Variants in ARHGEF7 observed in about 807,000 individuals in gnomAD.
The protein encoded by ARHGEF7 is Rho guanine nucleotide exchange factor 7, also known as PAK-interacting exchange factor beta.
A neutral mutation model predicts 109.8 loss-of-function variants in ARHGEF7; 33 were observed. The observed-to-expected ratio is 0.30, with a 90% CI of 0.23 to 0.40. The LOEUF is 0.40. Ranked by LOEUF, ARHGEF7 falls within the 10% of genes least tolerant of loss-of-function variation. ARHGEF7 has a pLI of 1.00. For missense variants in ARHGEF7, 938 were observed against 1,098.5 expected, an observed-to-expected ratio of 0.85 and a Z score of 2.07; for synonymous variants, 458 against 424.6, an observed-to-expected ratio of 1.08 and a Z score of -0.97.
intron 19 of ARHGEF7, among the ~76,000 whole-genome samples, chr13:111,299,256 A>G (rs1320093761): frequency 2.6e-5 from 4 of 151,952 alleles, no homozygotes; most frequent in Non-Finnish European, 5.9e-5. Context: ...CTTATGAGAC[A>G]TCTTAAGCTT....
chr13:111,230,908 C>T (rs541603072), intron 5 of ARHGEF7, among the ~76,000 whole-genome samples: 1 of 152,246 alleles, frequency 6.6e-6, no homozygotes, highest in South Asian at 2.1e-4. Flanking sequence ...ATGTTAGTAA[C>T]CTGAAGCTTT....
intron 2 of ARHGEF7, among the ~76,000 whole-genome samples, chr13:111,177,360 A>C (rs573620248): frequency 6.6e-6 from 1 of 152,346 alleles, no homozygotes; most frequent in African/African-American, 2.4e-5. Context: ...AAAGGAGTCC[A>C]CATTCTTCCT....
chr13:111,260,875 T>C (rs1746997484), intron 8 of ARHGEF7, among the ~76,000 whole-genome samples: 1 of 152,248 alleles, frequency 6.6e-6, no homozygotes, highest in African/African-American at 2.4e-5. Flanking sequence ...TTTTAATTAA[T>C]GTTCTGTTTC....
chr13:111,238,572 A>G (rs2087179955), intron 6 of ARHGEF7, among the ~76,000 whole-genome samples: 1 of 152,210 alleles, frequency 6.6e-6, no homozygotes, highest in Admixed American at 6.5e-5. Context: ...ATATAATTAA[A>G]AGAGACAGGT....
intron 2 of ARHGEF7, among the ~76,000 whole-genome samples, chr13:111,185,554 T>C (rs985792164): frequency 2.0e-5 from 3 of 152,232 alleles, no homozygotes; most frequent in African/African-American, 7.2e-5. Context: ...TTGAAGTTAA[T>C]GGAATGGGCG....
chr13:111,291,054 C>A (rs1431860090), intron 18 of ARHGEF7, among the ~76,000 whole-genome samples: 1 of 152,240 alleles, frequency 6.6e-6, no homozygotes, highest in Non-Finnish European at 1.5e-5. Flanking sequence ...TGATTTCTAA[C>A]TCCAGGAAGT....
At chr13:111,263,650 A>G (rs1334066229) in intron 8 of ARHGEF7, among the ~76,000 whole-genome samples, 2 of 152,162 alleles carry the variant, frequency 1.3e-5, no homozygotes, top group African/African-American at 4.8e-5. Context: ...TTGGCATTCC[A>G]TCATTACCCA....
At chr13:111,184,218 C>G (rs916373413) in intron 2 of ARHGEF7, among the ~76,000 whole-genome samples, 3 of 152,126 alleles carry the variant, frequency 2.0e-5, no homozygotes, top group Admixed American at 2.0e-4. Context: ...TGCCTTTTGC[C>G]GTGATTGTAA....
At chr13:111,279,675 C>A (rs1222414192) in intron 13 of ARHGEF7, among the ~76,000 whole-genome samples, 1 of 152,236 alleles carries the variant, frequency 6.6e-6, no homozygotes, top group Non-Finnish European at 1.5e-5. Context: ...TTTCTGGTAT[C>A]TTTCCATTGA....
rs1216685873 is a variant in ARHGEF7, at chr13:111,239,576, C to T, written c.760-4296C>T. 6.6e-6 allele frequency among the ~76,000 whole-genome samples: 1 copy of T among 152,096 alleles called. No individual in the cohort carries two copies. Among genetic ancestry groups the T allele is most frequent in the Admixed American group, 6.5e-5 (1 of 15,270 alleles). ...CTGCTTTGCCCTTGGCTTTTCTCCA[C>T]CTCAATGAAGATTTCTGTTAAATCT... On this transcript the variant is annotated intron_variant, in intron 6 of 21. Transcript: ENST00000646102. This position sits in a 1 kb window ranked among gnomAD's most constrained non-coding sequence, Gnocchi z 4.3.
At chr13:111,251,982 T>A (rs1342227346) in intron 8 of ARHGEF7, among the ~76,000 whole-genome samples, 1 of 152,220 alleles carries the variant, frequency 6.6e-6, no homozygotes, top group Non-Finnish European at 1.5e-5. Flanking sequence ...GATCTCTTTG[T>A]CTGTGGTTGC....
At chr13:111,173,915 C>G (rs1206624018) in intron 2 of ARHGEF7, among the ~76,000 whole-genome samples, 1 of 152,138 alleles carries the variant, frequency 6.6e-6, no homozygotes, top group Non-Finnish European at 1.5e-5. Context: ...TTGCATTGCA[C>G]TGACTGGGTC....
intron 1 of ARHGEF7, among the ~76,000 whole-genome samples, chr13:111,150,533 A>G (rs1309334379): frequency 6.6e-6 from 1 of 152,178 alleles, no homozygotes; most frequent in African/African-American, 2.4e-5. Flanking sequence ...ATATTTTCTG[A>G]AACACCTTCA....
At chr13:111,186,083 C>T (rs75154280) in intron 2 of ARHGEF7, among the ~76,000 whole-genome samples, 70 of 151,810 alleles carry the variant, frequency 4.6e-4, no homozygotes, top group South Asian at 2.9e-3. Context: ...CACAGCATGC[C>T]GTGGTCCTAA....
rs1177232070 is a variant in ARHGEF7 at position 111,255,413 on chromosome 13, G to A, written c.950+11119G>A. On this transcript the variant is annotated intron_variant, in intron 8 of 21. Coordinates refer to ENST00000646102, the MANE Select transcript of ARHGEF7 (RefSeq NM_001354046.2). The surrounding 1 kb of genome is among the most constrained non-coding windows in gnomAD (Gnocchi z 4.1). The stretch of plus-strand genomic sequence containing the variant: ...TGCCTCATGTTGCTTGCCCATGTCT[G>A]TCCCAGTGTCCTCATCTATAAAGCA... Among the ~76,000 whole-genome samples the A allele has an allele frequency of 6.6e-6, 1 of 152,166 alleles. No homozygotes were observed. Among genetic ancestry groups the A allele is most frequent in the Non-Finnish European group, 1.5e-5 (1 of 68,016 alleles).
intron 9 of ARHGEF7, among the ~76,000 whole-genome samples, chr13:111,268,378 T>C (rs767369564): frequency 6.6e-6 from 1 of 152,214 alleles, no homozygotes; most frequent in Non-Finnish European, 1.5e-5. Context: ...CAAAGATTTG[T>C]ATTAATATTT....
intron 4 of ARHGEF7, among the ~76,000 whole-genome samples, chr13:111,215,910 T>C (rs2083074441): frequency 6.6e-6 from 1 of 151,814 alleles, no homozygotes; most frequent in South Asian, 2.1e-4. Flanking sequence ...TCAGTTTTTT[T>C]GTTAATTCCC....
At chr13:111,137,226 C>G (rs1166298751) in intron 1 of ARHGEF7, among the ~76,000 whole-genome samples, 1 of 152,236 alleles carries the variant, frequency 6.6e-6, no homozygotes, top group African/African-American at 2.4e-5. Context: ...AAGAGAGAAT[C>G]CTCCCTAACT....
intron 1 of ARHGEF7, among the ~76,000 whole-genome samples, chr13:111,116,809 G>A (rs1566579307): frequency 6.6e-6 from 1 of 152,148 alleles, no homozygotes; most frequent in Non-Finnish European, 1.5e-5. Context: ...CATTTTAAAT[G>A]AGGTCAGAAA....
Sources: allele counts gnomAD v4.1 joint callset (sites outside exome capture counted in the v4.1 genomes callset), GRCh38; gene constraint gnomAD v4.1.1; non-coding constraint Gnocchi (gnomAD v3.1); transcripts MANE v1.5; gene names NCBI Gene and HGNC (gene_info 2026-07-23, HGNC 2026-07-21).